DEPDC5: variants seen among roughly 807,000 people sequenced by gnomAD.
The protein encoded by DEPDC5 is DEP domain containing 5, GATOR1 subcomplex subunit, also known as GATOR1 complex protein DEPDC5.
In DEPDC5, 73 loss-of-function variants were observed where a neutral mutation model predicts 217.3. The observed-to-expected ratio is 0.34, with a 90% confidence interval of 0.28 to 0.41. DEPDC5 has a LOEUF of 0.41. Among genes scored for constraint, DEPDC5 ranks in the 10% least tolerant of loss-of-function variants. DEPDC5 has a pLI of 1.00. For missense variants in DEPDC5, 1,675 were observed against 2,070.1 expected, an observed-to-expected ratio of 0.81 and a Z score of 3.70; for synonymous variants, 733 against 756.7, an observed-to-expected ratio of 0.97 and a Z score of 0.51.
Position 31,906,778 on chromosome 22 carries a change from G to A in DEPDC5, c.*281G>A. 1.9e-6 allele frequency: 1 copy of A among 520,908 alleles called. No individual in the cohort carries two copies. The highest frequency in any genetic ancestry group is 2.5e-5 in the South Asian group (1 of 40,326). The allele number at this position is 520,908 out of a possible 1,614,324, so 32.3% of individuals were successfully genotyped here. A position where few individuals can be genotyped will look rare whatever the true frequency, so the allele number is the denominator to read the frequency against. On this transcript the variant is annotated 3_prime_UTR_variant, in exon 43 of 43. Transcript: ENST00000651528. This position sits in a 1 kb window ranked among gnomAD's most constrained non-coding sequence, Gnocchi z 5.1. ...TGGGAGGCACAGATTGTCCGTGGGA[G>A]GGCTCCAGTGTCTGGGAAGAGGGCA...
intron 7 of DEPDC5, among the ~76,000 whole-genome samples, chr22:31,777,022 G>A (rs922331104): frequency 2.0e-5 from 3 of 151,840 alleles, no homozygotes; most frequent in Admixed American, 6.6e-5. Context: ...GAGTGCAGTG[G>A]TGCGATCTCG....
rs1435014628 is a variant in DEPDC5, at chr22:31,900,640, G to A, written c.4376-1102G>A. On this transcript the variant is annotated intron_variant, in intron 40 of 42. Transcript: ENST00000651528. ...TGTAACCCCAGCTACTCGGGAGGCT[G>A]AGGCAGGAGAATCACTTGAGCCTGG... Among the ~76,000 whole-genome samples, 3 of 152,106 alleles carry A rather than the reference G, an allele frequency of 2.0e-5. No homozygotes were observed. In the East Asian group the frequency reaches 5.9e-4, roughly 30 times the overall value.
At chr22:31,815,426 A>G (rs5749334) in intron 21 of DEPDC5, 1 of 672,660 alleles carries the variant, frequency 1.5e-6, no homozygotes, top group Non-Finnish European at 2.6e-6. Flanking sequence ...AGCACCTAGG[A>G]TAAAGTGCAG....
chr22:31,861,333 ACTG>A (rs1401104442), intron 32 of DEPDC5, 32 bp from the exon 33 acceptor site: 8 of 1,547,012 alleles, frequency 5.2e-6, no homozygotes, highest in Non-Finnish European at 6.1e-6. Context: ...CTTCCTTGCA[ACTG>A]CTGCTGCTGC....
Position 31,843,831 on chromosome 22 carries a change from G to T in DEPDC5, c.2801+19G>T, listed in dbSNP as rs2091545936. 2 of 1,573,670 alleles carry T rather than the reference G, an allele frequency of 1.3e-6. No homozygotes were observed. Among genetic ancestry groups the T allele is most frequent in the African/African-American group, 2.7e-5 (2 of 74,304 alleles). On this transcript the variant is annotated intron_variant, in intron 29 of 42. Coordinates refer to ENST00000651528, the MANE Select transcript of DEPDC5 (RefSeq NM_001242896.3). Reference sequence around the variant, plus strand: ...ACTTCAGGTCAGAGAGTGGGCTTTGGATTTCCATCTTTGCATCCTTGGGCA... The same window carrying T: ...ACTTCAGGTCAGAGAGTGGGCTTTGTATTTCCATCTTTGCATCCTTGGGCA...
intron 4 of DEPDC5, among the ~76,000 whole-genome samples, chr22:31,761,132 C>T (rs1187026058): frequency 2.0e-5 from 3 of 152,088 alleles, no homozygotes; most frequent in Admixed American, 6.6e-5. Flanking sequence ...CAGGCACCTG[C>T]CACCACGCCT....
chr22:31,827,753 C>T (rs925821331), intron 24 of DEPDC5, among the ~76,000 whole-genome samples: 2 of 152,210 alleles, frequency 1.3e-5, no homozygotes, highest in African/African-American at 4.8e-5. Context: ...ATCAGGCTCA[C>T]TCTGAATTGC....
chr22:31,892,106 T>G (rs896350029), intron 38 of DEPDC5, among the ~76,000 whole-genome samples: 1 of 152,230 alleles, frequency 6.6e-6, no homozygotes, highest in Non-Finnish European at 1.5e-5. Context: ...AAAGCAAGAC[T>G]TGTCACTGGT....
intron 31 of DEPDC5, among the ~76,000 whole-genome samples, chr22:31,853,964 C>T (rs1269508563): frequency 3.3e-5 from 5 of 152,216 alleles, no homozygotes; most frequent in South Asian, 2.1e-4. Context: ...ACGTGAAGGG[C>T]GTCTGCGTGC....
At chr22:31,882,316 CAAAG>C (rs2093198729) in intron 38 of DEPDC5, among the ~76,000 whole-genome samples, 1 of 152,104 alleles carries the variant, frequency 6.6e-6, no homozygotes, top group Admixed American at 6.6e-5. Context: ...AGATACGCAC[CAAAG>C]AGAGAGCTGA....
intron 32 of DEPDC5, among the ~76,000 whole-genome samples, chr22:31,859,235 C>T (rs5998149): frequency 3.3e-5 from 5 of 151,382 alleles, no homozygotes; most frequent in Non-Finnish European, 5.9e-5. Context: ...GGACTACAGG[C>T]GCCCGCCACC....
chr22:31,772,437 G>T (rs1013766270), intron 7 of DEPDC5, among the ~76,000 whole-genome samples: 1 of 152,166 alleles, frequency 6.6e-6, no homozygotes. Context: ...AGCCATCACT[G>T]TGATTAGTGG....
At chr22:31,861,232 C>A in intron 32 of DEPDC5, 136 bp from the exon 33 acceptor site, 4 of 443,654 alleles carry the variant, frequency 9.0e-6, no homozygotes, top group Admixed American at 7.2e-5. Flanking sequence ...TGTTTCTCTC[C>A]TTCCCTCCTT....
At chr22:31,756,448 T>A (rs1008463025) in intron 2 of DEPDC5, among the ~76,000 whole-genome samples, 1 of 152,240 alleles carries the variant, frequency 6.6e-6, no homozygotes, top group Non-Finnish European at 1.5e-5. Context: ...CTATTGTTAT[T>A]ACTTTGATGC....
intron 38 of DEPDC5, among the ~76,000 whole-genome samples, chr22:31,892,895 G>C (rs1445631157): frequency 2.1e-5 from 1 of 47,046 alleles, no homozygotes; most frequent in Admixed American, 2.4e-4. Flanking sequence ...TTTTTTTTTT[G>C]AGACGGAGTC....
intron 24 of DEPDC5, among the ~76,000 whole-genome samples, chr22:31,823,824 G>A (rs148702389): frequency 2.0e-5 from 3 of 152,222 alleles, no homozygotes; most frequent in African/African-American, 7.2e-5. Flanking sequence ...CAAACCAATA[G>A]CCAGGTATCC....
chr22:31,821,839 A>G (rs2089725572), intron 23 of DEPDC5, among the ~76,000 whole-genome samples: 2 of 152,174 alleles, frequency 1.3e-5, no homozygotes, highest in Non-Finnish European at 2.9e-5. Context: ...TTTGCCTGAG[A>G]TGTTACCTAG....
At position 31,879,749 on chromosome 22, in the gene DEPDC5, T is replaced by C. The variant is rs1396393025; in HGVS notation, c.4030T>C (p.Leu1344=). Residue 1344 remains leucine, a synonymous_variant, in exon 38 of 43, where the codon TTA becomes CTA. Coordinates refer to ENST00000651528, the MANE Select transcript of DEPDC5 (RefSeq NM_001242896.3). ...FGGRSQAAAL[L]AATVPEQRTV... ...AGGACGGAGCCAGGCGGCAGCACTT[T>C]TAGGTACATGCTCAACCCAGACAAG... is the stretch of plus-strand genomic sequence containing the variant. 3 of 1,612,900 alleles carry C rather than the reference T, an allele frequency of 1.9e-6. No individual in the cohort carries two copies. The East Asian group carries it at 6.7e-5, about 36-fold the overall frequency.
chr22:31,804,554 C>T (rs1438377301), intron 16 of DEPDC5, among the ~76,000 whole-genome samples: 1 of 152,192 alleles, frequency 6.6e-6, no homozygotes, highest in East Asian at 1.9e-4. Flanking sequence ...GTTCTCCTGC[C>T]TCAGCCTCCC....
Sources: gnomAD v4.1 joint callset for allele counts (sites outside exome capture counted in the v4.1 genomes callset) on GRCh38, gnomAD v4.1.1 for gene constraint, Gnocchi (gnomAD v3.1) non-coding constraint, MANE v1.5 for transcripts, NCBI Gene and HGNC (gene_info 2026-07-23, HGNC 2026-07-21) for gene names.